The following ABL1 variants were observed in gnomAD, a reference collection of about 807,000 sequenced individuals.
ABL1 encodes the protein tyrosine-protein kinase ABL1.
In ABL1, 11 loss-of-function variants were observed where a neutral mutation model predicts 94.7. That is an observed-to-expected ratio of 0.12 (90% confidence interval 0.07 to 0.19). The LOEUF (loss-of-function observed/expected upper bound fraction) is 0.19. Ranked by LOEUF, ABL1 falls within the 10% of genes least tolerant of loss-of-function variation. ABL1 has a pLI of 1.00. For synonymous variants in ABL1, 656 were observed against 622.4 expected, an observed-to-expected ratio of 1.05 and a Z score of -0.80; for missense variants, 1,082 against 1,489.4, an observed-to-expected ratio of 0.73 and a Z score of 4.50.
chr9:130,720,982 C>T lies in ABL1; in HGVS notation c.136+6527C>T, dbSNP rs369669397. ...TTGCGCCACTGCACTCCAGCCTGGG[C>T]AACAGAGCAAGACCCTGTCTCAAAA... On this transcript the variant is annotated intron_variant, in intron 1 of 10. Transcript: ENST00000372348. Among the ~76,000 whole-genome samples, 209 of 144,838 alleles carry T rather than the reference C, an allele frequency of 1.4e-3. 3 individuals carry two copies. In the South Asian group the frequency reaches 0.043, roughly 30 times the overall value.
chr9:130,868,575 G>A (rs536487877), intron 4 of ABL1, among the ~76,000 whole-genome samples: 59 of 142,804 alleles, frequency 4.1e-4, no homozygotes, highest in Non-Finnish European at 6.6e-4. Context: ...TCAGGCTGGA[G>A]TGCAGTGGCA....
chr9:130,771,760 T>C (rs374519715), intron 1 of ABL1, among the ~76,000 whole-genome samples: 16 of 59,602 alleles, frequency 2.7e-4, no homozygotes, highest in Non-Finnish European at 3.6e-4. Context: ...TTCTTTTTTT[T>C]TTTTTTTTTT....
chr9:130,884,871 G>GCACCAGGGGGCA lies in ABL1; in HGVS notation c.2583_2594dup (p.Pro862_Thr865dup). On this transcript the variant is annotated inframe_insertion, in exon 11 of 11. Transcript: ENST00000318560. The surrounding 1 kb of genome is among the most constrained non-coding windows in gnomAD (Gnocchi z 5.6). ...CCCCACCAGCAAAGCAGGCTCAGGT[G>GCACCAGGGGGCA]CACCAGGGGGCACCAGCAAGGGCCC... 1 of 1,606,626 alleles carries GCACCAGGGGGCA rather than the reference G, an allele frequency of 6.2e-7. No homozygotes were observed. Among genetic ancestry groups the GCACCAGGGGGCA allele is most frequent in the South Asian group, 1.1e-5 (1 of 90,392 alleles).
rs182022706 is a variant in ABL1 at position 130,789,932 on chromosome 9, C to T, written c.137-64132C>T. Among the ~76,000 whole-genome samples, 11 of 152,200 alleles carry T rather than the reference C, an allele frequency of 7.2e-5. No homozygotes were observed. The East Asian group carries it at 2.1e-3, about 29-fold the overall frequency. On this transcript the variant is annotated intron_variant, in intron 1 of 10. Coordinates refer to the ABL1 transcript ENST00000372348. ...AGGCTCAGAGATATAGTGAGAAGGT[C>T]CAACTTATGTCTAATTGGAGTTCCA...
intron 1 of ABL1, among the ~76,000 whole-genome samples, chr9:130,776,967 C>G (rs1184194676): frequency 6.6e-6 from 1 of 151,946 alleles, no homozygotes; most frequent in Non-Finnish European, 1.5e-5. Flanking sequence ...GATTTCTTTC[C>G]TTGAGTATTT....
intron 1 of ABL1, among the ~76,000 whole-genome samples, chr9:130,725,840 T>G (rs7389093): frequency 8.2e-5 from 8 of 97,498 alleles, no homozygotes; most frequent in African/African-American, 4.0e-4. Flanking sequence ...TTTTTTTTTT[T>G]TTTTTTTTTT....
chr9:130,784,020 G>T (rs1262417315), intron 1 of ABL1, among the ~76,000 whole-genome samples: 2 of 152,046 alleles, frequency 1.3e-5, no homozygotes, highest in African/African-American at 4.8e-5. Context: ...AAGAAAAGAC[G>T]CTTGATAAAC....
chr9:130,875,692 G>A (rs939013897), intron 7 of ABL1, among the ~76,000 whole-genome samples: 6 of 152,154 alleles, frequency 3.9e-5, no homozygotes, highest in Non-Finnish European at 2.9e-5. Context: ...ATCTGGAACG[G>A]CCTCATCACA....
intron 1 of ABL1, among the ~76,000 whole-genome samples, chr9:130,806,267 G>T (rs1830124240): frequency 6.6e-6 from 1 of 152,158 alleles, no homozygotes; most frequent in African/African-American, 2.4e-5. Flanking sequence ...TACAAACATG[G>T]ATCAGATATA....
intron 1 of ABL1, among the ~76,000 whole-genome samples, chr9:130,739,633 G>T (rs1404179025): frequency 6.6e-6 from 1 of 152,130 alleles, no homozygotes; most frequent in African/African-American, 2.4e-5. Context: ...TTTTCAGGGT[G>T]CATTTGGGTT....
intron 1 of ABL1, among the ~76,000 whole-genome samples, chr9:130,739,170 A>G (rs563913294): frequency 1.3e-5 from 2 of 152,312 alleles, no homozygotes; most frequent in East Asian, 3.9e-4. Context: ...CTGGGATTAC[A>G]GGCGTGAAAC....
Position 130,744,343 on chromosome 9 carries a change from G to A in ABL1, c.136+29888G>A, listed in dbSNP as rs151048763. 4.2e-3 allele frequency among the ~76,000 whole-genome samples: 642 copies of A among 151,106 alleles called. 2 individuals are homozygous for A. Among genetic ancestry groups the A allele is most frequent in the African/African-American group, 0.014 (583 of 41,286 alleles). ...TTTTTAGTAGAGATGGGGTTTCACC[G>A]TGTTGGCCAGGATGGTCTCGATCTC... On this transcript the variant is annotated intron_variant, in intron 1 of 10. Coordinates refer to the ABL1 transcript ENST00000372348.
chr9:130,750,198 T>C (rs1210700729), intron 1 of ABL1, among the ~76,000 whole-genome samples: 66 of 18,512 alleles, frequency 3.6e-3, no homozygotes, highest in East Asian at 4.3e-3. Flanking sequence ...AATACATATA[T>C]ATATATATAT....
At chr9:130,765,126 C>T (rs1832165616) in intron 1 of ABL1, among the ~76,000 whole-genome samples, 1 of 152,280 alleles carries the variant, frequency 6.6e-6, no homozygotes, top group South Asian at 2.1e-4. Context: ...TTGCTTTCCT[C>T]TGGACTTCTA....
intron 1 of ABL1, among the ~76,000 whole-genome samples, chr9:130,763,893 G>A (rs1832148305): frequency 6.6e-6 from 1 of 152,158 alleles, no homozygotes; most frequent in Non-Finnish European, 1.5e-5. Flanking sequence ...CTTGCCACTC[G>A]CTGCCTGTAA....
intron 3 of ABL1, among the ~76,000 whole-genome samples, chr9:130,861,181 A>C (rs1021360636): frequency 6.6e-6 from 1 of 152,242 alleles, no homozygotes; most frequent in African/African-American, 2.4e-5. Flanking sequence ...CCCAGGCCAC[A>C]GTCCTTACAC....
chr9:130,794,902 C>A (rs1829955053), intron 1 of ABL1, among the ~76,000 whole-genome samples: 1 of 152,198 alleles, frequency 6.6e-6, no homozygotes, highest in Non-Finnish European at 1.5e-5. Flanking sequence ...ACCCCAGGAA[C>A]AATGGACTCA....
At chr9:130,780,949 C>G (rs547628600) in intron 1 of ABL1, among the ~76,000 whole-genome samples, 174 of 152,322 alleles carry the variant, frequency 1.1e-3, no homozygotes, top group African/African-American at 4.1e-3. Flanking sequence ...CTGCCTGGTT[C>G]TAGCGACTCT....
intron 1 of ABL1, among the ~76,000 whole-genome samples, chr9:130,727,488 C>T (rs915551558): frequency 5.3e-5 from 8 of 151,814 alleles, no homozygotes; most frequent in Admixed American, 2.0e-4. Flanking sequence ...TTCCGCCGGG[C>T]GTGGTGGCAC....
Sources: allele counts gnomAD v4.1 joint callset (sites outside exome capture counted in the v4.1 genomes callset), GRCh38; gene constraint gnomAD v4.1.1; non-coding constraint Gnocchi (gnomAD v3.1); transcripts MANE v1.5; gene names NCBI Gene and HGNC (gene_info 2026-07-23, HGNC 2026-07-21).